CNTNAP2: variants seen among roughly 807,000 people sequenced by gnomAD.
The protein encoded by CNTNAP2 is contactin associated protein 2, also known as contactin-associated protein-like 2.
CNTNAP2 carries 98 observed loss-of-function variants against 155.2 expected under a neutral mutation model. That is an observed-to-expected ratio of 0.63 (90% CI 0.54 to 0.75). The LOEUF is 0.75. Among genes scored for constraint, CNTNAP2 ranks in the 30% least tolerant of loss-of-function variants. The pLI, the probability that CNTNAP2 is intolerant of heterozygous loss-of-function variation, is 0.00. For missense variants in CNTNAP2, 1,727 were observed against 1,688.1 expected (o/e 1.02, Z -0.40); for synonymous variants, 651 against 631.2 (o/e 1.03, Z -0.47).
intron 12 of CNTNAP2, among the ~76,000 whole-genome samples, chr7:147,607,428 C>T (rs10260389): frequency 0.68 from 102,270 of 150,902 alleles, 34,932 homozygotes; most frequent in African/African-American, 0.78. Flanking sequence ...CTCTCTCTCT[C>T]TCTTCTTTCT....
At chr7:146,808,370 C>A (rs1402215749) in intron 2 of CNTNAP2, among the ~76,000 whole-genome samples, 1 of 152,084 alleles carries the variant, frequency 6.6e-6, no homozygotes, top group Non-Finnish European at 1.5e-5. Context: ...TAAAATGTGT[C>A]CAGAATATAT....
rs150939740 is a variant in CNTNAP2, at chr7:147,386,544, G to A, written c.1499-9065G>A. Among the ~76,000 whole-genome samples the A allele has an allele frequency of 2.6e-3, 397 of 152,204 alleles. 5 individuals carry two copies. The highest frequency in any genetic ancestry group is 8.9e-3 in the African/African-American group (371 of 41,514). On this transcript the variant is annotated intron_variant, in intron 9 of 23. Coordinates refer to ENST00000361727, the MANE Select transcript of CNTNAP2 (RefSeq NM_014141.6). Reference sequence around the variant, plus strand: ...CTAGGGCAGGGGCAAAATGCCACCCGTCTCTGCTAAAACATAACAAGAGTC... The same window carrying A: ...CTAGGGCAGGGGCAAAATGCCACCCATCTCTGCTAAAACATAACAAGAGTC...
At position 146,985,046 on chromosome 7, in the gene CNTNAP2, A is replaced by G. The variant is rs556431225; in HGVS notation, c.403-58861A>G. ...TCACAAAAACACACTATCCTAGGCA[A>G]AAGTTTTCACACTGTTTTCAGTCAG... On this transcript the variant is annotated intron_variant, in intron 3 of 23. Coordinates refer to ENST00000361727, the MANE Select transcript of CNTNAP2 (RefSeq NM_014141.6). 2.6e-5 allele frequency among the ~76,000 whole-genome samples: 4 copies of G among 152,286 alleles called. No individual in the cohort carries two copies. The East Asian group carries it at 7.7e-4, about 29-fold the overall frequency.
chr7:146,145,178 C>T (rs1175962784), intron 1 of CNTNAP2, among the ~76,000 whole-genome samples: 1 of 152,158 alleles, frequency 6.6e-6, no homozygotes, highest in Non-Finnish European at 1.5e-5. Context: ...AAGAAAGCGA[C>T]AACAGCTCTA....
intron 1 of CNTNAP2, among the ~76,000 whole-genome samples, chr7:146,618,486 A>G (rs1350884726): frequency 6.6e-6 from 1 of 152,172 alleles, no homozygotes; most frequent in Non-Finnish European, 1.5e-5. Flanking sequence ...TAAGAGAGGA[A>G]TATTGCCATA....
At chr7:147,674,458 A>G (rs1404986521) in intron 13 of CNTNAP2, among the ~76,000 whole-genome samples, 1 of 152,152 alleles carries the variant, frequency 6.6e-6, no homozygotes, top group Non-Finnish European at 1.5e-5. Flanking sequence ...ATGAAAAGAC[A>G]TATTATTAGA....
intron 15 of CNTNAP2, among the ~76,000 whole-genome samples, chr7:148,003,254 G>A (rs996319048): frequency 1.3e-5 from 2 of 152,066 alleles, no homozygotes; most frequent in Non-Finnish European, 2.9e-5. Context: ...TCACCTGAAG[G>A]GATGAGATCA....
chr7:146,298,020 A>C (rs937942247), intron 1 of CNTNAP2, among the ~76,000 whole-genome samples: 1 of 152,208 alleles, frequency 6.6e-6, no homozygotes, highest in Non-Finnish European at 1.5e-5. Context: ...TGCTGTGAGC[A>C]TGAAAGAAAG....
intron 21 of CNTNAP2, among the ~76,000 whole-genome samples, chr7:148,372,772 A>T (rs1293966804): frequency 6.6e-6 from 1 of 152,208 alleles, no homozygotes; most frequent in Non-Finnish European, 1.5e-5. Flanking sequence ...CTAACTTTAT[A>T]GACTTCTTAA....
intron 1 of CNTNAP2, among the ~76,000 whole-genome samples, chr7:146,721,518 CTA>C (rs1232558866): frequency 8.4e-6 from 1 of 119,430 alleles, no homozygotes; most frequent in Non-Finnish European, 1.6e-5. Flanking sequence ...TATATACATT[CTA>C]TATATATTCT....
At chr7:146,159,611 C>T (rs1798184679) in intron 1 of CNTNAP2, among the ~76,000 whole-genome samples, 1 of 152,026 alleles carries the variant, frequency 6.6e-6, no homozygotes, top group Non-Finnish European at 1.5e-5. Context: ...ATAAAACTGA[C>T]TTTAAACCAA....
At chr7:148,050,781 G>A (rs1021124795) in intron 15 of CNTNAP2, among the ~76,000 whole-genome samples, 3 of 152,066 alleles carry the variant, frequency 2.0e-5, no homozygotes, top group Non-Finnish European at 4.4e-5. Flanking sequence ...CTTTTACTCT[G>A]TATTTTTACT....
chr7:147,380,906 A>G (rs1286932094), intron 9 of CNTNAP2, among the ~76,000 whole-genome samples: 5 of 152,166 alleles, frequency 3.3e-5, no homozygotes, highest in Non-Finnish European at 7.3e-5. Context: ...GCCATCCCCC[A>G]TATGAAAGTA....
chr7:147,568,742 A>G (rs1800224242), intron 12 of CNTNAP2, among the ~76,000 whole-genome samples: 1 of 152,136 alleles, frequency 6.6e-6, no homozygotes, highest in South Asian at 2.1e-4. Context: ...TTCAGGTGTT[A>G]CCAGCATCCT....
Position 148,197,990 on chromosome 7 carries a change from A to C in CNTNAP2, c.3011-19298A>C, listed in dbSNP as rs139986417. 2.1e-3 allele frequency among the ~76,000 whole-genome samples: 315 copies of C among 152,346 alleles called. 2 individuals are homozygous for C. The highest frequency in any genetic ancestry group is 7.1e-3 in the African/African-American group (295 of 41,582). ...CTAAAAAGGCTAAAAGGTTATTTCC[A>C]TCTGGAGCCACTGGAGCCTTAATCC... is the stretch of plus-strand genomic sequence containing the variant. On this transcript the variant is annotated intron_variant, in intron 18 of 23. Coordinates refer to ENST00000361727, the MANE Select transcript of CNTNAP2 (RefSeq NM_014141.6).
intron 13 of CNTNAP2, among the ~76,000 whole-genome samples, chr7:147,708,590 G>T (rs1796353620): frequency 6.6e-6 from 1 of 152,012 alleles, no homozygotes; most frequent in Non-Finnish European, 1.5e-5. Context: ...TAGTCTTGGG[G>T]CCCACTAGGT....
At chr7:147,133,376 G>A (rs1029908879) in intron 8 of CNTNAP2, among the ~76,000 whole-genome samples, 6 of 152,028 alleles carry the variant, frequency 3.9e-5, no homozygotes, top group African/African-American at 7.2e-5. Context: ...TGAACACTTA[G>A]TACAGATGTA....
chr7:148,295,325 G>A (rs2116488221), intron 21 of CNTNAP2, among the ~76,000 whole-genome samples: 1 of 152,138 alleles, frequency 6.6e-6, no homozygotes, highest in South Asian at 2.1e-4. Flanking sequence ...TCGTGCTCAA[G>A]GCTCTTCTTC....
chr7:146,649,086 T>A (rs1799863387), intron 1 of CNTNAP2, among the ~76,000 whole-genome samples: 3 of 152,088 alleles, frequency 2.0e-5, no homozygotes, highest in African/African-American at 4.8e-5. Context: ...TAAGGAAACA[T>A]TGCCTCTTTA....
Sources: gnomAD v4.1 joint callset for allele counts (sites outside exome capture counted in the v4.1 genomes callset) on GRCh38, gnomAD v4.1.1 for gene constraint, MANE v1.5 for transcripts, NCBI Gene and HGNC (gene_info 2026-07-23, HGNC 2026-07-21) for gene names.